RUSC2: variants seen among roughly 807,000 people sequenced by gnomAD.
The protein encoded by RUSC2 is AP-4 complex accessory subunit RUSC2.
In RUSC2, 34 loss-of-function variants were observed where a neutral mutation model predicts 122.2. That is an observed-to-expected ratio of 0.28 (90% CI 0.21 to 0.37). The LOEUF is 0.37. Among genes scored for constraint, RUSC2 ranks in the 10% least tolerant of loss-of-function variants. The probability of loss-of-function intolerance (pLI) is 1.00; values close to 1 mark genes in which losing one functional copy is unlikely to be tolerated. For synonymous variants in RUSC2, 784 were observed against 790.0 expected (o/e 0.99, Z 0.13); for missense variants, 1,747 against 1,952.4 (o/e 0.89, Z 1.98).
At chr9:35,551,828 G>A (rs888795364) in intron 2 of RUSC2, among the ~76,000 whole-genome samples, 2 of 152,170 alleles carry the variant, frequency 1.3e-5, no homozygotes, top group African/African-American at 4.8e-5. Context: ...GGGAGGCTGA[G>A]GCAGGAGGAT....
chr9:35,495,329 T>C (rs1041676601), intron 1 of RUSC2, among the ~76,000 whole-genome samples: 4 of 142,736 alleles, frequency 2.8e-5, no homozygotes, highest in Non-Finnish European at 6.0e-5. Flanking sequence ...TTGATCCATT[T>C]TGAGTTAATT....
intron 1 of RUSC2, among the ~76,000 whole-genome samples, chr9:35,531,121 C>T (rs1196302244): frequency 6.6e-6 from 1 of 151,992 alleles, no homozygotes; most frequent in East Asian, 2.0e-4. Context: ...ATTAGCCGGG[C>T]TTGGTGTCGG....
intron 2 of RUSC2, among the ~76,000 whole-genome samples, chr9:35,552,869 A>T (rs1384561431): frequency 6.6e-6 from 1 of 152,234 alleles, no homozygotes; most frequent in Non-Finnish European, 1.5e-5. Flanking sequence ...CATTCCCCAC[A>T]GGGGCCCCCT....
chr9:35,507,329 C>G (rs1329417372), intron 1 of RUSC2, among the ~76,000 whole-genome samples: 2 of 152,170 alleles, frequency 1.3e-5, no homozygotes, highest in Non-Finnish European at 2.9e-5. Flanking sequence ...GAATTCCATT[C>G]ACTTGTTGAA....
In RUSC2 at chr9:35,555,427, C is replaced by T; in HGVS notation, c.2382C>T (p.Asp794=). ...TTGGCCCCTTTGGGCCCAGCACTGA[C>T]TCTTCTGCCTCCACTTCGTGCTCCC... ...RSVGPFGPST[D]SSASTSCSPP... is the part of the protein sequence containing the mutation. Residue 794 remains aspartate, a synonymous_variant, in exon 3 of 12, where the codon GAC becomes GAT. Coordinates refer to ENST00000361226, the MANE Select transcript of RUSC2 (RefSeq NM_014806.5). The surrounding 1 kb of genome is among the most constrained non-coding windows in gnomAD (Gnocchi z 4.6). The T allele has an allele frequency of 1.2e-6, 2 of 1,614,258 alleles. No individual in the cohort carries two copies. The highest frequency in any genetic ancestry group is 2.2e-5 in the East Asian group (1 of 44,882).
chr9:35,519,515 C>T (rs373185653), intron 1 of RUSC2, among the ~76,000 whole-genome samples: 8 of 152,172 alleles, frequency 5.3e-5, no homozygotes, highest in African/African-American at 1.9e-4. Flanking sequence ...AGCCTTGAGG[C>T]TCCCAGGGCC....
chr9:35,491,674 G>A (rs1489870620), intron 1 of RUSC2, among the ~76,000 whole-genome samples: 1 of 152,196 alleles, frequency 6.6e-6, no homozygotes, highest in Non-Finnish European at 1.5e-5. Context: ...GATCAGGCCA[G>A]GCACAGTGGC....
intron 1 of RUSC2, among the ~76,000 whole-genome samples, chr9:35,534,201 A>G (rs896285998): frequency 6.6e-6 from 1 of 152,150 alleles, no homozygotes; most frequent in African/African-American, 2.4e-5. Context: ...GTACTGCCTA[A>G]TGATTAATGA....
chr9:35,547,210 A>G lies in RUSC2; in HGVS notation c.689A>G (p.Lys230Arg). The change falls in exon 2 of 12, where the codon AAG becomes AGG. Residue 230 changes from lysine (K) to arginine (R), a missense_variant. Transcript: ENST00000361226. The surrounding 1 kb of genome is among the most constrained non-coding windows in gnomAD (Gnocchi z 4.6). ...GGCTTTTCCTTTGACCAGGAATGGA[A>G]GCTCAGTTCAGATGAATCCCCAAGG... ...TSGFSFDQEW[K>R]LSSDESPRNP... 1 of 1,614,122 alleles carries G rather than the reference A, an allele frequency of 6.2e-7. No individual in the cohort carries two copies. Among genetic ancestry groups the G allele is most frequent in the Non-Finnish European group, 8.5e-7 (1 of 1,180,010 alleles).
intron 1 of RUSC2, among the ~76,000 whole-genome samples, chr9:35,524,306 CACAAA>C (rs1223002003): frequency 6.6e-6 from 1 of 152,084 alleles, no homozygotes; most frequent in African/African-American, 2.4e-5. Context: ...GCCTCAAAAA[CACAAA>C]ACAAAACAAA....
intron 1 of RUSC2, among the ~76,000 whole-genome samples, chr9:35,522,962 C>T (rs982916141): frequency 6.6e-6 from 1 of 152,166 alleles, no homozygotes; most frequent in African/African-American, 2.4e-5. Context: ...GAAAGGTCAG[C>T]AGAGTGATTA....
chr9:35,504,058 A>G (rs1820867173), intron 1 of RUSC2, among the ~76,000 whole-genome samples: 1 of 152,220 alleles, frequency 6.6e-6, no homozygotes, highest in African/African-American at 2.4e-5. Context: ...TACAGGCGTG[A>G]GCCACCGCTC....
chr9:35,546,389 G>A lies in RUSC2; in HGVS notation c.-92-41G>A. ...GGAAGGGCATGCCCCTGACTTCCAG[G>A]GAGGTGACATTAGGTTCCCTTTCTT... is the stretch of plus-strand genomic sequence containing the variant. On this transcript the variant is annotated intron_variant, in intron 1 of 11. Coordinates refer to ENST00000361226, the MANE Select transcript of RUSC2 (RefSeq NM_014806.5). The surrounding 1 kb of genome is among the most constrained non-coding windows in gnomAD (Gnocchi z 4.3). 1 of 552,646 alleles carries A rather than the reference G, an allele frequency of 1.8e-6. No homozygotes were observed. Among genetic ancestry groups the A allele is most frequent in the Non-Finnish European group, 2.8e-6 (1 of 355,898 alleles). The allele number at this position is 552,646 out of a possible 1,614,324, so 34.2% of individuals were successfully genotyped here.
chr9:35,550,666 G>A (rs1821872330), intron 2 of RUSC2, among the ~76,000 whole-genome samples: 1 of 152,074 alleles, frequency 6.6e-6, no homozygotes, highest in African/African-American at 2.4e-5. Flanking sequence ...CTATGTGTGT[G>A]GCTGAGAGAG....
chr9:35,557,972 C>A lies in RUSC2; in HGVS notation c.3042C>A (p.Ser1014Arg). Residue 1014 changes from serine to arginine, a missense_variant, in exon 6 of 12, where the codon AGC becomes AGA. Physicochemically the swap from Ser to Arg is moderately radical, Grantham distance 110 (BLOSUM62 -1). Coordinates refer to ENST00000361226, the MANE Select transcript of RUSC2 (RefSeq NM_014806.5). This position sits in a 1 kb window ranked among gnomAD's most constrained non-coding sequence, Gnocchi z 4.6. ...TCATTGTGGCTCATTTTGGCACAAG[C>A]CGGGATCCCGGGGTGAAGGTAGGCA... ...VDLIVAHFGT[S>R]RDPGVKAKLG... 5 of 1,614,124 alleles carry A rather than the reference C, an allele frequency of 3.1e-6. No homozygotes were observed. The highest frequency in any genetic ancestry group is 4.2e-6 in the Non-Finnish European group (5 of 1,179,996).
intron 1 of RUSC2, among the ~76,000 whole-genome samples, chr9:35,498,407 C>T (rs575397999): frequency 3.3e-5 from 5 of 152,098 alleles, no homozygotes; most frequent in South Asian, 2.1e-4. Context: ...GGCATCTTGG[C>T]GCCTGCCTGT....
Position 35,555,324 on chromosome 9 carries a change from G to A in RUSC2, c.2279G>A (p.Arg760Lys). Residue 760 changes from arginine (R) to lysine (K), a missense_variant, in exon 3 of 12, where the codon AGA becomes AAA. Arg to Lys is a conservative substitution (Grantham distance 26). Transcript: ENST00000361226. The surrounding 1 kb of genome is among the most constrained non-coding windows in gnomAD (Gnocchi z 4.6). The stretch of plus-strand genomic sequence containing the variant: ...GCATCCACTCCCCGAGCCACTGGCA[G>A]AGGTGCCAGGAAAGCTGGGTCTGAG... Reference protein sequence around the residue: ...PQASTPRATGRGARKAGSEPE... With the variant: ...PQASTPRATGKGARKAGSEPE... 6.2e-7 allele frequency: 1 copy of A among 1,614,198 alleles called. No homozygotes were observed. The highest frequency in any genetic ancestry group is 1.1e-5 in the South Asian group (1 of 91,078).
rs778441826 is a variant in RUSC2 at position 35,557,982 on chromosome 9, G to A, written c.3052G>A (p.Gly1018Arg). 14 of 1,614,020 alleles carry A rather than the reference G, an allele frequency of 8.7e-6. No individual in the cohort carries two copies. Among genetic ancestry groups the A allele is most frequent in the Middle Eastern group, 1.6e-4 (1 of 6,080 alleles). ...TCATTTTGGCACAAGCCGGGATCCC[G>A]GGGTGAAGGTAGGCAAGGAAATGTG... is the stretch of plus-strand genomic sequence containing the variant. ...VAHFGTSRDPGVKAKLGNSSV... is the reference protein window; with the variant it reads ...VAHFGTSRDPRVKAKLGNSSV... Residue 1018 changes from glycine (G) to arginine (R), a missense_variant, in exon 6 of 12, where the codon GGG (glycine) becomes AGG (arginine). Transcript: ENST00000361226. The surrounding 1 kb of genome is among the most constrained non-coding windows in gnomAD (Gnocchi z 4.6).
At chr9:35,497,582 A>C (rs1820744012) in intron 1 of RUSC2, among the ~76,000 whole-genome samples, 1 of 152,200 alleles carries the variant, frequency 6.6e-6, no homozygotes, top group Non-Finnish European at 1.5e-5. Flanking sequence ...GTGGGAAGCT[A>C]TCTTAGGACA....
Sources: allele counts gnomAD v4.1 joint callset (sites outside exome capture counted in the v4.1 genomes callset), GRCh38; gene constraint gnomAD v4.1.1; non-coding constraint Gnocchi (gnomAD v3.1); transcripts MANE v1.5; gene names NCBI Gene and HGNC (gene_info 2026-07-23, HGNC 2026-07-21).